TM2D3: variants seen among roughly 807,000 people sequenced by gnomAD.
TM2D3 encodes TM2 domain containing 3.
A neutral mutation model predicts 27.3 loss-of-function variants in TM2D3; 33 were observed. That is an observed-to-expected ratio of 1.21 (90% CI 0.92 to 1.61). TM2D3 has a LOEUF of 1.61. Among genes scored for constraint, TM2D3 ranks in the 40% most tolerant of loss-of-function variants. TM2D3 has a pLI of 0.00. For synonymous variants in TM2D3, 138 were observed against 122.2 expected (o/e 1.13, Z -0.85); for missense variants, 364 against 320.8 (o/e 1.13, Z -1.03).
chr15:101,637,409 G>A (rs538155707), downstream of TM2D3, among the ~76,000 whole-genome samples: 1 of 152,346 alleles, frequency 6.6e-6, no homozygotes, highest in East Asian at 1.9e-4. Context: ...TTTGCAGAAT[G>A]TAGATTTTTC....
Position 101,652,313 on chromosome 15 carries a change from C to T in TM2D3, c.49G>A (p.Val17Met). The T allele has an allele frequency of 6.2e-7, 1 of 1,603,210 alleles. No individual in the cohort carries two copies. Among genetic ancestry groups the T allele is most frequent in the Non-Finnish European group, 8.5e-7 (1 of 1,175,480 alleles). The change falls in exon 1 of 6, where the codon GTG (valine) becomes ATG (methionine). Residue 17 changes from valine (V) to methionine (M), a missense_variant. By Grantham distance (21) the Val-to-Met change is conservative (BLOSUM62 1). Coordinates refer to ENST00000333202, the MANE Select transcript of TM2D3 (RefSeq NM_078474.3). ...PLRGLRALCRVLLFLSQFCIL... is the reference protein window; with the variant it reads ...PLRGLRALCRMLLFLSQFCIL... ...CAGAACTGCGAGAGGAAGAGCAGCA[C>T]GCGACACAAGGCGCGGAGGCCCCTC...
intron 1 of TM2D3, 87 bp from the exon 2 acceptor site, chr15:101,651,860 AC>A: frequency 7.3e-7 from 1 of 1,375,772 alleles, no homozygotes; most frequent in Non-Finnish European, 1.0e-6. Context: ...GCGGGTCTAC[AC>A]CAGGCCAATA....
chr15:101,634,541 C>G (rs926105371), intron 4 of TM2D3: 1 of 152,152 alleles, frequency 6.6e-6, no homozygotes, highest in Non-Finnish European at 1.5e-5. Flanking sequence ...AATAAGAACA[C>G]GGAATATTGG....
chr15:101,640,681 G>A (rs72761631), downstream of TM2D3, among the ~76,000 whole-genome samples: 3,274 of 152,278 alleles, frequency 0.022, 65 homozygotes, highest in Middle Eastern at 0.031. Flanking sequence ...AAATTTGTTT[G>A]TACTATTTGA....
At chr15:101,640,758 A>C (rs1415535481), downstream of TM2D3, among the ~76,000 whole-genome samples, 1 of 152,224 alleles carries the variant, frequency 6.6e-6, no homozygotes, top group Non-Finnish European at 1.5e-5. Flanking sequence ...CTTGATCTGA[A>C]GCATTCCTGA....
At chr15:101,652,141 A>G (rs1050167828) in intron 1 of TM2D3, 130 bp downstream of exon 1, 1 of 888,604 alleles carries the variant, frequency 1.1e-6, no homozygotes, top group Non-Finnish European at 1.7e-6. Context: ...TGCAGCGACA[A>G]GCGGCCCGGA....
At chr15:101,634,245 C>T (rs964895527) in intron 4 of TM2D3, 5 of 152,410 alleles carry the variant, frequency 3.3e-5, no homozygotes, top group African/African-American at 9.7e-5. Flanking sequence ...ACCAGCCTGG[C>T]TAACATGGCA....
At chr15:101,648,831 T>TA (rs1269292838) in intron 3 of TM2D3, among the ~76,000 whole-genome samples, 1 of 146,946 alleles carries the variant, frequency 6.8e-6, no homozygotes. Context: ...GCAATGCAGC[T>TA]AAAAAATAAG....
At chr15:101,636,847 T>C (rs1896561223), downstream of TM2D3, 1 of 384,184 alleles carries the variant, frequency 2.6e-6, no homozygotes, top group Non-Finnish European at 5.2e-6. Context: ...TGTTTTCTTT[T>C]TCTTTTATTT....
chr15:101,651,326 A>G (rs891553309), intron 2 of TM2D3: 1 of 188,496 alleles, frequency 5.3e-6, no homozygotes, highest in African/African-American at 2.4e-5. Flanking sequence ...TTCCATTTCC[A>G]CAGTCCTGAG....
chr15:101,641,172 G>A (rs1036197704), downstream of TM2D3, among the ~76,000 whole-genome samples: 5 of 152,160 alleles, frequency 3.3e-5, no homozygotes, highest in African/African-American at 1.2e-4. Flanking sequence ...ACAGTTTAAC[G>A]GATACAAAAA....
chr15:101,639,235 C>A (rs1012339561), downstream of TM2D3, among the ~76,000 whole-genome samples: 7 of 152,068 alleles, frequency 4.6e-5, no homozygotes, highest in African/African-American at 1.4e-4. Context: ...ATGAAAGAAA[C>A]GCATACGATG....
At chr15:101,635,332 C>T (rs539421393) in intron 4 of TM2D3, 1 of 152,070 alleles carries the variant, frequency 6.6e-6, no homozygotes, top group African/African-American at 2.4e-5. Context: ...ATTAGTGACC[C>T]AAGCATCTAC....
At chr15:101,638,128 C>A (rs1896587944), downstream of TM2D3, among the ~76,000 whole-genome samples, 1 of 152,154 alleles carries the variant, frequency 6.6e-6, no homozygotes, top group African/African-American at 2.4e-5. Context: ...TCTGGTTCAG[C>A]AGGGAACCCC....
chr15:101,652,192 T>G, intron 1 of TM2D3, 79 bp downstream of exon 1: 1 of 1,319,694 alleles, frequency 7.6e-7, no homozygotes, highest in Non-Finnish European at 1.1e-6. Flanking sequence ...CGTCCGCCCG[T>G]GGGCCCGGCC....
At chr15:101,645,003 G>A in intron 5 of TM2D3, 84 bp downstream of exon 5, 4 of 1,174,198 alleles carry the variant, frequency 3.4e-6, no homozygotes, top group Admixed American at 2.0e-5. Flanking sequence ...GAAGAATGAA[G>A]GGGACTGAGC....
At chr15:101,639,752 G>A (rs1896626768), downstream of TM2D3, among the ~76,000 whole-genome samples, 1 of 152,134 alleles carries the variant, frequency 6.6e-6, no homozygotes, top group African/African-American at 2.4e-5. Flanking sequence ...ATATTTACTT[G>A]AAGCCAATTT....
downstream of TM2D3, among the ~76,000 whole-genome samples, chr15:101,639,812 T>C (rs1401072462): frequency 6.6e-6 from 1 of 152,200 alleles, no homozygotes; most frequent in Non-Finnish European, 1.5e-5. Context: ...CCTGGAATTG[T>C]ACACAGTCCC....
Position 101,642,379 on chromosome 15 carries a change from T to C in TM2D3, c.*100A>G. ...CAAGGCAAACAAAGTACAGATGCTG[T>C]ACATTAAAAACATAGAAATATATCA... On this transcript the variant is annotated 3_prime_UTR_variant, in exon 6 of 6. Transcript: ENST00000333202. 8 of 1,402,766 alleles carry C rather than the reference T, an allele frequency of 5.7e-6. No homozygotes were observed. In the South Asian group the frequency reaches 1.4e-4, roughly 24 times the overall value. The allele number at this position is 1,402,766 out of a possible 1,614,324, so 86.9% of individuals were successfully genotyped here. A position where few individuals can be genotyped will look rare whatever the true frequency, so the allele number is the denominator to read the frequency against.
Sources: gnomAD v4.1 joint callset for allele counts (sites outside exome capture counted in the v4.1 genomes callset) on GRCh38, gnomAD v4.1.1 for gene constraint, MANE v1.5 for transcripts, NCBI Gene and HGNC (gene_info 2026-07-23, HGNC 2026-07-21) for gene names.